Variants in LIPA observed in about 807,000 individuals in gnomAD.
The protein encoded by LIPA is lysosomal acid lipase/cholesteryl ester hydrolase.
In LIPA, 26 loss-of-function variants were observed where a neutral mutation model predicts 40.6. That is an observed-to-expected ratio of 0.64 (90% CI 0.47 to 0.89). The LOEUF is 0.89. LIPA is among the 40% of genes least tolerant of loss of function. The probability of loss-of-function intolerance (pLI) is 0.00; values close to 1 mark genes in which losing one functional copy is unlikely to be tolerated. For missense variants in LIPA, 455 were observed against 479.6 expected, an observed-to-expected ratio of 0.95 and a Z score of 0.48; for synonymous variants, 188 against 168.4, an observed-to-expected ratio of 1.12 and a Z score of -0.90.
chr10:89,215,792 T>C, intron 9 of LIPA, 146 bp downstream of exon 9: 1 of 749,376 alleles, frequency 1.3e-6, no homozygotes, highest in Non-Finnish European at 2.5e-6. Flanking sequence ...TGGATTGTTC[T>C]GAATGGACTG....
chr10:89,300,268 G>C (rs575137326), intron 1 of LIPA, among the ~76,000 whole-genome samples: 1 of 152,220 alleles, frequency 6.6e-6, no homozygotes, highest in Non-Finnish European at 1.5e-5. Flanking sequence ...AGACTGGGAA[G>C]GGGGGTGGTG....
At chr10:89,277,333 A>G (rs1161671399) in intron 1 of LIPA, among the ~76,000 whole-genome samples, 3 of 152,250 alleles carry the variant, frequency 2.0e-5, no homozygotes, top group Non-Finnish European at 4.4e-5. Context: ...TCTCGTATTT[A>G]AAAAGCAGAT....
intron 1 of LIPA, among the ~76,000 whole-genome samples, chr10:89,274,370 G>GA (rs569930047): frequency 3.9e-5 from 6 of 152,260 alleles, no homozygotes; most frequent in South Asian, 2.1e-4. Context: ...GATGATTAGA[G>GA]AAAAAACAGA....
chr10:89,360,075 T>C (rs932259313), intron 2 of LIPA, among the ~76,000 whole-genome samples: 3 of 152,182 alleles, frequency 2.0e-5, no homozygotes, highest in African/African-American at 4.8e-5. Context: ...TGGGGCAGAA[T>C]TGGGTTGTTA....
chr10:89,286,397 A>C (rs921699976), intron 1 of LIPA, among the ~76,000 whole-genome samples: 8 of 151,758 alleles, frequency 5.3e-5, no homozygotes, highest in African/African-American at 1.7e-4. Flanking sequence ...CCCCCACCCT[A>C]TAATCCTTCT....
chr10:89,219,529 A>G (rs1006066470), intron 8 of LIPA, among the ~76,000 whole-genome samples: 2 of 152,240 alleles, frequency 1.3e-5, no homozygotes, highest in African/African-American at 4.8e-5. Flanking sequence ...TTAACAAGTT[A>G]ATCCTAATTA....
chr10:89,309,587 C>T (rs908639072), intron 1 of LIPA, among the ~76,000 whole-genome samples: 3 of 152,110 alleles, frequency 2.0e-5, no homozygotes, highest in African/African-American at 7.2e-5. Context: ...TGAGAGAGGA[C>T]CCTTGGTACC....
intron 2 of LIPA, among the ~76,000 whole-genome samples, chr10:89,390,183 TC>T (rs1173123371): frequency 6.6e-6 from 1 of 151,926 alleles, no homozygotes; most frequent in Non-Finnish European, 1.5e-5. Flanking sequence ...ACGGGGTTTC[TC>T]CATGTTAGTC....
At chr10:89,281,871 C>G (rs976815482) in intron 1 of LIPA, among the ~76,000 whole-genome samples, 2 of 152,218 alleles carry the variant, frequency 1.3e-5, no homozygotes, top group Non-Finnish European at 2.9e-5. Context: ...CTACTGAGAA[C>G]TATACATACT....
intron 2 of LIPA, among the ~76,000 whole-genome samples, chr10:89,394,613 TATATATATATATATAA>T (rs1167022970): frequency 0.055 from 1,103 of 20,012 alleles, 39 homozygotes; most frequent in African/African-American, 0.067. Context: ...TATATATATA[TATATATATATATATAA>T]AACTTGAATT....
intron 1 of LIPA, chr10:89,306,510 T>G: frequency 6.2e-7 from 1 of 1,614,096 alleles, no homozygotes; most frequent in Non-Finnish European, 8.5e-7. Context: ...AGCTACCGTC[T>G]GGACAACTGG....
upstream of LIPA, among the ~76,000 whole-genome samples, chr10:89,253,626 A>G (rs184762521): frequency 1.5e-4 from 23 of 152,234 alleles, 1 homozygote; most frequent in African/African-American, 4.8e-4. Context: ...TTCAAAACCA[A>G]TCATGCCTTC....
At chr10:89,373,334 CAAAAAAAAAA>C (rs34479360) in intron 2 of LIPA, among the ~76,000 whole-genome samples, 27 of 63,164 alleles carry the variant, frequency 4.3e-4, no homozygotes, top group African/African-American at 1.3e-3. Context: ...GACTCCCTCT[CAAAAAAAAAA>C]AAAAAAAAAA....
upstream of LIPA, among the ~76,000 whole-genome samples, chr10:89,344,981 A>C (rs1843906263): frequency 6.6e-6 from 1 of 152,138 alleles, no homozygotes; most frequent in Admixed American, 6.5e-5. Context: ...AGCCTGGCCA[A>C]CATGGTAGAA....
chr10:89,281,455 GA>G (rs201841880), intron 1 of LIPA, among the ~76,000 whole-genome samples: 1 of 151,572 alleles, frequency 6.6e-6, no homozygotes, highest in South Asian at 2.1e-4. Context: ...TAATAGTCTT[GA>G]AAAAAAATAA....
chr10:89,370,042 C>A (rs1844082826), intron 2 of LIPA, among the ~76,000 whole-genome samples: 1 of 152,258 alleles, frequency 6.6e-6, no homozygotes, highest in Admixed American at 6.5e-5. Context: ...ACACTGCAGG[C>A]TTTTATGTAG....
chr10:89,270,511 T>C (rs1243389597), intron 1 of LIPA, among the ~76,000 whole-genome samples: 1 of 152,202 alleles, frequency 6.6e-6, no homozygotes, highest in Non-Finnish European at 1.5e-5. Flanking sequence ...TTCTGGAGCA[T>C]GTTGATATAT....
intron 2 of LIPA, chr10:89,402,807 A>C (rs1844454541): frequency 6.2e-7 from 1 of 1,614,108 alleles, no homozygotes; most frequent in South Asian, 1.1e-5. Flanking sequence ...CCCTGAATCC[A>C]GCGCTGGGTA....
At chr10:89,363,641 G>A (rs536137196) in intron 2 of LIPA, among the ~76,000 whole-genome samples, 4 of 152,032 alleles carry the variant, frequency 2.6e-5, no homozygotes, top group Non-Finnish European at 4.4e-5. Context: ...GCCAGGTGTG[G>A]TGGCAGGCAC....
Sources: allele counts gnomAD v4.1 joint callset (sites outside exome capture counted in the v4.1 genomes callset), GRCh38; gene constraint gnomAD v4.1.1; transcripts MANE v1.5; gene names NCBI Gene and HGNC (gene_info 2026-07-23, HGNC 2026-07-21).